Variants in ATAD5 observed in about 807,000 individuals in gnomAD.
The protein encoded by ATAD5 is ATPase family AAA domain containing 5.
ATAD5 carries 58 observed loss-of-function variants against 176.9 expected under a neutral mutation model. The ratio of observed to expected loss-of-function variants is 0.33; its 90% CI spans 0.27 to 0.41. The LOEUF is 0.41. Ranked by LOEUF, ATAD5 falls within the 10% of genes least tolerant of loss-of-function variation. The probability of loss-of-function intolerance (pLI) is 1.00; values close to 1 mark genes in which losing one functional copy is unlikely to be tolerated. For missense variants in ATAD5, 1,789 were observed against 2,094.1 expected (o/e 0.85, Z 2.84); for synonymous variants, 640 against 712.6 (o/e 0.90, Z 1.62).
Position 30,894,006 on chromosome 17 carries a change from C to A in ATAD5, c.5153C>A (p.Thr1718Asn). ...LKAAAEALSF[T>N]KCSSAISKAL... Reference sequence around the variant, plus strand: ...GCAGCTGCAGAAGCTCTCAGCTTTACTAAATGTTCTTCTGCTATTTCAAAA... The same window carrying A: ...GCAGCTGCAGAAGCTCTCAGCTTTAATAAATGTTCTTCTGCTATTTCAAAA... The change falls in exon 21 of 23, where the codon ACT (threonine) becomes AAT (asparagine). Residue 1718 changes from threonine to asparagine, a missense_variant. Coordinates refer to ENST00000321990, the MANE Select transcript of ATAD5 (RefSeq NM_024857.5). 6.2e-7 allele frequency: 1 copy of A among 1,613,698 alleles called. No homozygotes were observed. The highest frequency in any genetic ancestry group is 1.3e-5 in the African/African-American group (1 of 75,032).
Position 30,894,045 on chromosome 17 carries a change from T to C in ATAD5, c.5192T>C (p.Leu1731Ser), listed in dbSNP as rs1339617209. 1.2e-6 allele frequency: 2 copies of C among 1,612,408 alleles called. No individual in the cohort carries two copies. Among genetic ancestry groups the C allele is most frequent in the Admixed American group, 3.3e-5 (2 of 59,920 alleles). The change falls in exon 21 of 23, where the codon TTG (leucine) becomes TCG (serine). Residue 1731 changes from leucine to serine, a missense_variant. Leu to Ser is a moderately radical substitution (Grantham distance 145). Coordinates refer to ENST00000321990, the MANE Select transcript of ATAD5 (RefSeq NM_024857.5). ...GCTATTTCAAAAGCATTGGAAACCT[T>C]GAATTCTTGCAAGAAATTAGGAAGA... ...SSAISKALET[L>S]NSCKKLGRDP... is the part of the protein sequence containing the mutation.
chr17:30,885,979 G>T (rs1056205814), intron 18 of ATAD5, among the ~76,000 whole-genome samples: 14 of 151,876 alleles, frequency 9.2e-5, no homozygotes, highest in African/African-American at 2.9e-4. Context: ...AGCTTCTTTT[G>T]CATGTGTTGA....
chr17:30,850,774 C>T (rs1326999812), intron 6 of ATAD5, among the ~76,000 whole-genome samples: 1 of 130,860 alleles, frequency 7.6e-6, no homozygotes, highest in Non-Finnish European at 1.6e-5. Context: ...TCCTTATTTG[C>T]AAATCATATA....
chr17:30,850,375 T>C (rs1906801447), intron 6 of ATAD5, among the ~76,000 whole-genome samples: 1 of 151,378 alleles, frequency 6.6e-6, no homozygotes, highest in South Asian at 2.1e-4. Flanking sequence ...TTTTTTTTTT[T>C]TTAAAGGCAG....
chr17:30,850,829 A>ATT (rs1181411844), intron 6 of ATAD5, among the ~76,000 whole-genome samples: 10 of 27,882 alleles, frequency 3.6e-4, no homozygotes, highest in Admixed American at 1.4e-3. Context: ...ATATTTATAT[A>ATT]TTTTTATATA....
chr17:30,887,094 T>C (rs1176682390), intron 18 of ATAD5, 98 bp from the exon 19 acceptor site: 1 of 1,062,524 alleles, frequency 9.4e-7, no homozygotes, highest in Non-Finnish European at 1.3e-6. Context: ...ATGTGAATTT[T>C]AGCAAAATTT....
chr17:30,839,695 C>T (rs1905978676), intron 3 of ATAD5, among the ~76,000 whole-genome samples: 1 of 34 alleles, frequency 0.029, no homozygotes, highest in Non-Finnish European at 0.1. Flanking sequence ...ATTCTCCTGC[C>T]TCAGCCGCCC....
Position 30,878,660 on chromosome 17 carries a change from G to A in ATAD5, c.4012+564G>A, listed in dbSNP as rs149932796. The stretch of plus-strand genomic sequence containing the variant: ...CTACTTACAAATTAATGCCCATTTG[G>A]TAGTGATTGTACTCTTAAAATATTG... On this transcript the variant is annotated intron_variant, in intron 17 of 22. Coordinates refer to ENST00000321990, the MANE Select transcript of ATAD5 (RefSeq NM_024857.5). Among the ~76,000 whole-genome samples the A allele has an allele frequency of 3.5e-5, 5 of 144,876 alleles. No individual in the cohort carries two copies. The East Asian group carries it at 6.2e-4, about 18-fold the overall frequency.
At position 30,835,140 on chromosome 17, in the gene ATAD5, T is replaced by C. The variant is rs1174520466; in HGVS notation, c.1059T>C (p.Asn353=). The stretch of plus-strand genomic sequence containing the variant: ...AACAAAAGCAATTTGAAATGGAAAA[T>C]AGTTTATCTGATCCTGAGAATGAAC... ...FLKQKQFEME[N]SLSDPENEQT... is the part of the protein sequence containing the mutation. Residue 353 remains asparagine (N), a synonymous_variant, in exon 2 of 23, where the codon AAT becomes AAC. Coordinates refer to ENST00000321990, the MANE Select transcript of ATAD5 (RefSeq NM_024857.5). 6.2e-7 allele frequency: 1 copy of C among 1,614,034 alleles called. No homozygotes were observed. Among genetic ancestry groups the C allele is most frequent in the Middle Eastern group, 1.6e-4 (1 of 6,062 alleles).
Position 30,878,044 on chromosome 17 carries a change from A to G in ATAD5, c.3960A>G (p.Ala1320=), listed in dbSNP as rs770407777. Residue 1320 remains alanine (A), a synonymous_variant, in exon 17 of 23, where the codon GCA becomes GCG. Transcript: ENST00000321990. ...ATGAAGATGCTGGGTTTTTGAATGCAATCAAAACATTCATGGCAACAACTA... is the reference window on the plus strand; with the variant it reads ...ATGAAGATGCTGGGTTTTTGAATGCGATCAAAACATTCATGGCAACAACTA... ...IFDEDAGFLN[A]IKTFMATTKR... The G allele has an allele frequency of 6.2e-7, 1 of 1,611,910 alleles. No homozygotes were observed. Among genetic ancestry groups the G allele is most frequent in the East Asian group, 2.2e-5 (1 of 44,690 alleles).
intron 6 of ATAD5, among the ~76,000 whole-genome samples, chr17:30,846,224 G>C (rs143815471): frequency 1.3e-5 from 2 of 151,960 alleles, no homozygotes; most frequent in East Asian, 3.9e-4. Context: ...GATTAATTGT[G>C]TCTATTCTAG....
intron 18 of ATAD5, among the ~76,000 whole-genome samples, chr17:30,885,248 A>G (rs1471237643): frequency 6.6e-6 from 1 of 151,942 alleles, no homozygotes; most frequent in Non-Finnish European, 1.5e-5. Context: ...TGGTGTGATC[A>G]TAACTCACTG....
intron 6 of ATAD5, among the ~76,000 whole-genome samples, chr17:30,848,010 G>A (rs1054002179): frequency 5.3e-5 from 8 of 151,844 alleles, no homozygotes; most frequent in South Asian, 4.2e-4. Flanking sequence ...GCGAGCCACC[G>A]CGCTCCGCCT....
chr17:30,847,012 C>G (rs768534068), intron 6 of ATAD5, among the ~76,000 whole-genome samples: 45 of 152,210 alleles, frequency 3.0e-4, no homozygotes, highest in Non-Finnish European at 5.1e-4. Context: ...AGCCACCGTG[C>G]CTGGCCCACA....
At chr17:30,893,115 AAATTT>A (rs774786517) in intron 20 of ATAD5, among the ~76,000 whole-genome samples, 174 bp from the exon 21 acceptor site, 1 of 152,186 alleles carries the variant, frequency 6.6e-6, no homozygotes, top group Non-Finnish European at 1.5e-5. Context: ...TTAATCGTCT[AAATTT>A]AATTTTTAGA....
intron 19 of ATAD5, among the ~76,000 whole-genome samples, chr17:30,890,288 A>G (rs930949850): frequency 1.3e-5 from 2 of 152,088 alleles, no homozygotes; most frequent in Non-Finnish European, 1.5e-5. Context: ...TACATAACAC[A>G]TGGAAAATAT....
chr17:30,878,724 T>TTTTTTG (rs1908822345), intron 17 of ATAD5, among the ~76,000 whole-genome samples: 1 of 85,832 alleles, frequency 1.2e-5, no homozygotes, highest in Non-Finnish European at 2.3e-5. Flanking sequence ...TGGTGTTTTT[T>TTTTTTG]TTTTTTTTTT....
rs1282424606 is a variant in ATAD5 at position 30,878,065 on chromosome 17, A to C, written c.3981A>C (p.Thr1327=). Residue 1327 remains threonine, a synonymous_variant, in exon 17 of 23, where the codon ACA becomes ACC. Transcript: ENST00000321990. ...FLNAIKTFMA[T]TKRPVILTTS... ...ATGCAATCAAAACATTCATGGCAAC[A>C]ACTAAACGACCTGTAATCCTTACTA... 9.3e-6 allele frequency: 15 copies of C among 1,611,636 alleles called. No individual in the cohort carries two copies. The highest frequency in any genetic ancestry group is 9.3e-6 in the Non-Finnish European group (11 of 1,178,698).
rs147059213 is a variant in ATAD5 at position 30,871,641 on chromosome 17, C to T, written c.3607+1995C>T. Among the ~76,000 whole-genome samples, 1,463 of 152,204 alleles carry T rather than the reference C, an allele frequency of 9.6e-3. 33 individuals carry two copies. The highest frequency in any genetic ancestry group is 0.043 in the Admixed American group (654 of 15,278). ...CTGAGATTACAGGCATCAGCCACCA[C>T]GCCTGGCCCATCTGTGTCATTTCTG... is the stretch of plus-strand genomic sequence containing the variant. On this transcript the variant is annotated intron_variant, in intron 14 of 22. Transcript: ENST00000321990.
Sources: gnomAD v4.1 joint callset for allele counts (sites outside exome capture counted in the v4.1 genomes callset) on GRCh38, gnomAD v4.1.1 for gene constraint, MANE v1.5 for transcripts, NCBI Gene and HGNC (gene_info 2026-07-23, HGNC 2026-07-21) for gene names.